LRRTM4: variants seen among roughly 807,000 people sequenced by gnomAD.
LRRTM4 encodes the protein leucine-rich repeat transmembrane neuronal protein 4.
Under a neutral mutation model 47.6 loss-of-function variants are expected in LRRTM4, and 25 were observed. The observed-to-expected ratio is 0.53, with a 90% CI of 0.38 to 0.73. LRRTM4 has a LOEUF of 0.73. LRRTM4 is among the 30% of genes least tolerant of loss of function. The pLI is 0.00. For missense variants in LRRTM4, 638 were observed against 713.4 expected, an observed-to-expected ratio of 0.89 and a Z score of 1.20; for synonymous variants, 311 against 269.5, an observed-to-expected ratio of 1.15 and a Z score of -1.51.
In LRRTM4 at chr2:77,055,787, A is replaced by G. The variant is rs868567327; in HGVS notation, c.1552-306871T>C. ...TCACAATAGCAAAGACTTGGAACCA[A>G]CCCAAATGTCCAACAATGATAGATT... On this transcript the variant is annotated intron_variant, in intron 3 of 3. Transcript: ENST00000409884. 2.0e-5 allele frequency among the ~76,000 whole-genome samples: 3 copies of G among 151,884 alleles called. 1 individual carries two copies. The highest frequency in any genetic ancestry group is 7.3e-5 in the African/African-American group (3 of 41,344).
At chr2:77,419,085 A>C (rs1674762155) in intron 3 of LRRTM4, among the ~76,000 whole-genome samples, 1 of 152,224 alleles carries the variant, frequency 6.6e-6, no homozygotes, top group African/African-American at 2.4e-5. Context: ...AGAATAGTAC[A>C]CAATATATAG....
At chr2:77,019,642 A>G (rs577267287) in intron 3 of LRRTM4, among the ~76,000 whole-genome samples, 7 of 152,304 alleles carry the variant, frequency 4.6e-5, no homozygotes, top group African/African-American at 1.7e-4. Context: ...GATAAAAATT[A>G]CATCAGTTGC....
intron 3 of LRRTM4, among the ~76,000 whole-genome samples, chr2:77,480,073 T>C (rs1366885113): frequency 6.6e-6 from 1 of 152,158 alleles, no homozygotes; most frequent in African/African-American, 2.4e-5. Flanking sequence ...GAGCCAGAGC[T>C]CTGGGCCAGC....
intron 3 of LRRTM4, among the ~76,000 whole-genome samples, chr2:76,813,648 A>AT (rs1573155837): frequency 1.3e-5 from 2 of 152,154 alleles, no homozygotes; most frequent in East Asian, 3.9e-4. Flanking sequence ...CTTTTGGTAC[A>AT]TTTTTTTCTT....
intron 3 of LRRTM4, among the ~76,000 whole-genome samples, chr2:77,456,038 G>A (rs529213372): frequency 1.1e-4 from 17 of 152,112 alleles, no homozygotes; most frequent in East Asian, 3.9e-4. Flanking sequence ...GTCAACATGC[G>A]TAAATCCCTC....
intron 3 of LRRTM4, among the ~76,000 whole-genome samples, chr2:77,225,983 TAAAG>T (rs911221748): frequency 1.3e-5 from 2 of 151,784 alleles, no homozygotes; most frequent in African/African-American, 2.4e-5. Context: ...GTAGTAAAAA[TAAAG>T]AACGTAAAAA....
intron 3 of LRRTM4, among the ~76,000 whole-genome samples, chr2:76,865,611 A>T (rs188877548): frequency 4.0e-4 from 61 of 152,266 alleles, no homozygotes; most frequent in Admixed American, 4.0e-3. Context: ...GAACTCACAT[A>T]ATTTTGAGCT....
chr2:76,853,926 G>C (rs1190687419), intron 3 of LRRTM4, among the ~76,000 whole-genome samples: 3 of 152,098 alleles, frequency 2.0e-5, no homozygotes, highest in African/African-American at 7.2e-5. Flanking sequence ...CCCAGTTGTG[G>C]ATATTGTTTA....
intron 3 of LRRTM4, among the ~76,000 whole-genome samples, chr2:77,506,715 C>A (rs1273892725): frequency 6.6e-6 from 1 of 151,820 alleles, no homozygotes; most frequent in Non-Finnish European, 1.5e-5. Context: ...TTTATTCTTT[C>A]TGGCCACTTA....
chr2:77,438,388 T>C (rs961212349), intron 3 of LRRTM4, among the ~76,000 whole-genome samples: 7 of 148,822 alleles, frequency 4.7e-5, no homozygotes, highest in African/African-American at 1.7e-4. Flanking sequence ...CTCTCGATCA[T>C]GATAATTTTT....
chr2:76,764,549 T>C lies in LRRTM4; in HGVS notation c.1552-15633A>G, dbSNP rs867627791. Among the ~76,000 whole-genome samples, 3 of 152,256 alleles carry C rather than the reference T, an allele frequency of 2.0e-5. No homozygotes were observed. The Middle Eastern group carries it at 0.01, about 518-fold the overall frequency. On this transcript the variant is annotated intron_variant, in intron 3 of 3. Transcript: ENST00000409884. ...CGGAGGCTGAGGCAGGAGACTGGCATGAACCCGGGAGGCGGAGCTTGCAGT... is the reference window on the plus strand; with the variant it reads ...CGGAGGCTGAGGCAGGAGACTGGCACGAACCCGGGAGGCGGAGCTTGCAGT...
chr2:76,900,984 A>T (rs1433771413), intron 3 of LRRTM4, among the ~76,000 whole-genome samples: 1 of 152,200 alleles, frequency 6.6e-6, no homozygotes, highest in East Asian at 1.9e-4. Flanking sequence ...GGAGTAAGTA[A>T]ATTCTCCTAT....
chr2:77,234,622 T>C (rs935729017), intron 3 of LRRTM4, among the ~76,000 whole-genome samples: 1 of 152,344 alleles, frequency 6.6e-6, no homozygotes, highest in East Asian at 1.9e-4. Context: ...CAATGACTGA[T>C]TTAATCTTGT....
chr2:77,413,444 T>C (rs1342183248), intron 3 of LRRTM4, among the ~76,000 whole-genome samples: 1 of 152,148 alleles, frequency 6.6e-6, no homozygotes, highest in Non-Finnish European at 1.5e-5. Context: ...AAAAGTTTTC[T>C]TTTTCAGAAG....
chr2:77,313,792 AT>A (rs1273300965), intron 3 of LRRTM4, among the ~76,000 whole-genome samples: 1 of 152,204 alleles, frequency 6.6e-6, no homozygotes, highest in Non-Finnish European at 1.5e-5. Context: ...AGACAAAGTT[AT>A]TCCTAAACAT....
At chr2:76,811,753 C>T (rs974902069) in intron 3 of LRRTM4, among the ~76,000 whole-genome samples, 1 of 152,114 alleles carries the variant, frequency 6.6e-6, no homozygotes, top group Non-Finnish European at 1.5e-5. Flanking sequence ...TGAACAAAGT[C>T]ATCTCATTTT....
Position 77,440,184 on chromosome 2 carries a change from G to A in LRRTM4, c.1551+78134C>T, listed in dbSNP as rs564188081. 3.3e-5 allele frequency among the ~76,000 whole-genome samples: 5 copies of A among 152,300 alleles called. No individual in the cohort carries two copies. In the East Asian group the frequency reaches 9.7e-4, roughly 29 times the overall value. On this transcript the variant is annotated intron_variant, in intron 3 of 3. Transcript: ENST00000409884. ...AATCCGAGCACTTTGGGAGGCCGAG[G>A]CGGGCAGATCACGAGGTCACGAAAT...
At chr2:77,014,879 G>T (rs950107192) in intron 3 of LRRTM4, among the ~76,000 whole-genome samples, 4 of 152,030 alleles carry the variant, frequency 2.6e-5, no homozygotes, top group African/African-American at 7.2e-5. Flanking sequence ...TCTCATAATT[G>T]ACTTTTCATT....
chr2:77,392,456 T>C (rs1673541887), intron 3 of LRRTM4, among the ~76,000 whole-genome samples: 1 of 152,046 alleles, frequency 6.6e-6, no homozygotes, highest in Admixed American at 6.6e-5. Context: ...CAGATACTTT[T>C]TGGTTTACAC....
Sources: gnomAD v4.1 joint callset for allele counts (sites outside exome capture counted in the v4.1 genomes callset) on GRCh38, gnomAD v4.1.1 for gene constraint, MANE v1.5 for transcripts, NCBI Gene and HGNC (gene_info 2026-07-23, HGNC 2026-07-21) for gene names.